Variants in AK4 observed in about 807,000 individuals in gnomAD.
AK4 encodes adenylate kinase 4, mitochondrial.
A neutral mutation model predicts 24.6 loss-of-function variants in AK4; 13 were observed. The observed-to-expected ratio is 0.53, with a 90% CI of 0.34 to 0.84. AK4 has a LOEUF of 0.84. Among genes scored for constraint, AK4 ranks in the 40% least tolerant of loss-of-function variants. The probability of loss-of-function intolerance (pLI) is 0.01; values close to 1 mark genes in which losing one functional copy is unlikely to be tolerated. For synonymous variants in AK4, 88 were observed against 107.0 expected (o/e 0.82, Z 1.10); for missense variants, 192 against 288.2 (o/e 0.67, Z 2.42).
At chr1:65,185,556 G>T in intron 1 of AK4, among the ~76,000 whole-genome samples, 1 of 151,236 alleles carries the variant, frequency 6.6e-6, no homozygotes, top group Non-Finnish European at 1.5e-5. Flanking sequence ...ACCCAACCTG[G>T]TTCACTTCTA....
In AK4 at chr1:65,148,218, C is replaced by G. The variant is rs114871912; in HGVS notation, c.-190C>G. On this transcript the variant is annotated 5_prime_UTR_variant, in exon 1 of 5. Transcript: ENST00000327299. The stretch of plus-strand genomic sequence containing the variant: ...CGTGGCGCTCAGTCCGCCTGCTACT[C>G]GGTCCCGGCGCTGGGCTGAGGGGAG... 1 of 1,213,856 alleles carries G rather than the reference C, an allele frequency of 8.2e-7. No individual in the cohort carries two copies. The highest frequency in any genetic ancestry group is 3.0e-5 in the Admixed American group (1 of 33,154). 75.2% of individuals were successfully genotyped at this position (1,213,856 alleles called of 1,614,324 possible).
intron 1 of AK4, among the ~76,000 whole-genome samples, chr1:65,182,697 C>T (rs2375597): frequency 0.33 from 50,288 of 151,886 alleles, 9,231 homozygotes; most frequent in East Asian, 0.52. Context: ...TTGTCTCCAG[C>T]GTCAAGAAAC....
Position 65,226,744 on chromosome 1 carries a change from T to G in AK4, c.*567T>G, listed in dbSNP as rs1351879147. On this transcript the variant is annotated 3_prime_UTR_variant, in exon 5 of 5. Transcript: ENST00000327299. ...TTTTTTCCGGTAGGAATAACTCCTT[T>G]TCTACATCCACGCTCCATAGAGTCT... is the stretch of plus-strand genomic sequence containing the variant. 6.6e-6 allele frequency: 1 copy of G among 152,650 alleles called. No individual in the cohort carries two copies. Among genetic ancestry groups the G allele is most frequent in the African/African-American group, 2.4e-5 (1 of 41,442 alleles). 9.5% of individuals were successfully genotyped at this position (152,650 alleles called of 1,614,324 possible).
At chr1:65,162,762 T>C (rs1570071756) in intron 1 of AK4, among the ~76,000 whole-genome samples, 1 of 152,268 alleles carries the variant, frequency 6.6e-6, no homozygotes, top group East Asian at 1.9e-4. Flanking sequence ...TCAGAACATT[T>C]TCATTTCTCC....
chr1:65,176,665 G>A (rs1171500328), intron 1 of AK4, among the ~76,000 whole-genome samples: 1 of 152,148 alleles, frequency 6.6e-6, no homozygotes, highest in Non-Finnish European at 1.5e-5. Flanking sequence ...GGGAGTTGAA[G>A]TGCCACCACA....
chr1:65,222,483 G>A (rs1185932695), intron 3 of AK4, among the ~76,000 whole-genome samples: 2 of 152,320 alleles, frequency 1.3e-5, no homozygotes, highest in East Asian at 3.9e-4. Flanking sequence ...TGTGTCAGTG[G>A]TAGCCGGATT....
chr1:65,175,554 G>A (rs1650685701), intron 1 of AK4, among the ~76,000 whole-genome samples: 1 of 152,214 alleles, frequency 6.6e-6, no homozygotes, highest in Non-Finnish European at 1.5e-5. Context: ...ATTACTATTT[G>A]TGTTGCTTTA....
intron 2 of AK4, among the ~76,000 whole-genome samples, chr1:65,198,561 A>G (rs74080334): frequency 3.3e-3 from 499 of 152,304 alleles, no homozygotes; most frequent in Middle Eastern, 0.01. Context: ...GGGTTCAGAG[A>G]CATATATTCA....
At chr1:65,190,015 G>T (rs1651239882) in intron 1 of AK4, among the ~76,000 whole-genome samples, 2 of 152,124 alleles carry the variant, frequency 1.3e-5, no homozygotes, top group African/African-American at 4.8e-5. Flanking sequence ...TGTAAGAAAT[G>T]GTTGTGCTTC....
At chr1:65,198,232 AATGAAGAATAG>A (rs1210826149) in intron 2 of AK4, among the ~76,000 whole-genome samples, 1 of 152,190 alleles carries the variant, frequency 6.6e-6, no homozygotes, top group African/African-American at 2.4e-5. Context: ...ATTTCTAAAG[AATGAAGAATAG>A]TTGTAAAATT....
intron 1 of AK4, among the ~76,000 whole-genome samples, chr1:65,170,267 C>G (rs1378062162): frequency 6.6e-6 from 1 of 152,126 alleles, no homozygotes; most frequent in African/African-American, 2.4e-5. Flanking sequence ...ACTCGGGAGG[C>G]TGAGGCAGGA....
intron 1 of AK4, among the ~76,000 whole-genome samples, chr1:65,164,444 A>C (rs537333314): frequency 1.3e-4 from 20 of 152,104 alleles, no homozygotes; most frequent in African/African-American, 4.6e-4. Context: ...TCTCTCTTTC[A>C]ATTTTAGCTA....
intron 2 of AK4, among the ~76,000 whole-genome samples, chr1:65,209,414 C>G (rs540384482): frequency 1.3e-5 from 2 of 152,308 alleles, no homozygotes; most frequent in Non-Finnish European, 1.5e-5. Context: ...TAAAAGCATA[C>G]TTCAACTTGT....
At chr1:65,151,055 G>C (rs1253468112) in intron 1 of AK4, among the ~76,000 whole-genome samples, 3 of 152,132 alleles carry the variant, frequency 2.0e-5, no homozygotes, top group Non-Finnish European at 2.9e-5. Context: ...CCGGGTTCAA[G>C]CGATTCTCTT....
At chr1:65,172,063 GTATATATATA>G (rs3051712) in intron 1 of AK4, among the ~76,000 whole-genome samples, 5,112 of 65,676 alleles carry the variant, frequency 0.078, 432 homozygotes, top group South Asian at 0.18. Flanking sequence ...TCCATCTCAA[GTATATATATA>G]TATATATATA....
rs1369930902 is a variant in AK4, at chr1:65,231,764, A to G, written c.*5587A>G. 6 of 152,204 alleles carry G rather than the reference A, an allele frequency of 3.9e-5. No homozygotes were observed. Among genetic ancestry groups the G allele is most frequent in the Non-Finnish European group, 5.9e-5 (4 of 68,040 alleles). The allele number at this position is 152,204 out of a possible 1,614,324, so 9.4% of individuals were successfully genotyped here. A position where few individuals can be genotyped will look rare whatever the true frequency, so the allele number is the denominator to read the frequency against. On this transcript the variant is annotated 3_prime_UTR_variant, in exon 5 of 5. Transcript: ENST00000327299. Reference sequence around the variant, plus strand: ...GAGAATTTGTACTACTGATTTTTATATATTCCTGTTTTTGAGATGAACAGA... The same window carrying G: ...GAGAATTTGTACTACTGATTTTTATGTATTCCTGTTTTTGAGATGAACAGA...
intron 1 of AK4, among the ~76,000 whole-genome samples, chr1:65,184,088 A>T (rs1224631080): frequency 6.6e-6 from 1 of 152,202 alleles, no homozygotes; most frequent in African/African-American, 2.4e-5. Flanking sequence ...ATATTATCTG[A>T]TCTAGTTAGA....
intron 3 of AK4, among the ~76,000 whole-genome samples, chr1:65,219,721 TA>T (rs1557469276): frequency 6.6e-6 from 1 of 152,218 alleles, no homozygotes; most frequent in African/African-American, 2.4e-5. Context: ...TTACAGTTAA[TA>T]AACTAATATA....
rs1650661032 is a variant in AK4, at chr1:65,174,921, T to A, written c.146-15789T>A. Among the ~76,000 whole-genome samples, 4 of 152,238 alleles carry A rather than the reference T, an allele frequency of 2.6e-5. No individual in the cohort carries two copies. The South Asian group carries it at 8.3e-4, about 31-fold the overall frequency. Reference sequence around the variant, plus strand: ...AGAAAGACTTGACCCAATATTTGCTTATTTATTTTTTCTTTTTAAAATTTT... The same window carrying A: ...AGAAAGACTTGACCCAATATTTGCTAATTTATTTTTTCTTTTTAAAATTTT... On this transcript the variant is annotated intron_variant, in intron 1 of 4. Coordinates refer to ENST00000327299, the MANE Select transcript of AK4 (RefSeq NM_013410.4).
Sources: allele counts gnomAD v4.1 joint callset (sites outside exome capture counted in the v4.1 genomes callset), GRCh38; gene constraint gnomAD v4.1.1; transcripts MANE v1.5; gene names NCBI Gene and HGNC (gene_info 2026-07-23, HGNC 2026-07-21).